The following TDRD9 variants were observed in gnomAD, a reference collection of about 807,000 sequenced individuals.
The protein encoded by TDRD9 is ATP-dependent RNA helicase TDRD9.
A neutral mutation model predicts 172.6 loss-of-function variants in TDRD9; 124 were observed. The ratio of observed to expected loss-of-function variants is 0.72; its 90% confidence interval spans 0.62 to 0.83. TDRD9 has a LOEUF of 0.83. Among genes scored for constraint, TDRD9 ranks in the 40% least tolerant of loss-of-function variants. The pLI, the probability that TDRD9 is intolerant of heterozygous loss-of-function variation, is 0.00. For synonymous variants in TDRD9, 619 were observed against 617.1 expected (o/e 1.00, Z -0.05); for missense variants, 1,479 against 1,714.1 (o/e 0.86, Z 2.42).
At chr14:103,967,906 T>C (rs1017692150) in intron 5 of TDRD9, among the ~76,000 whole-genome samples, 14 of 152,216 alleles carry the variant, frequency 9.2e-5, no homozygotes, top group African/African-American at 3.4e-4. Context: ...TTGGGCTTTT[T>C]AGTATAATTG....
At chr14:104,033,352 A>T (rs889947731) in intron 30 of TDRD9, among the ~76,000 whole-genome samples, 2 of 152,172 alleles carry the variant, frequency 1.3e-5, no homozygotes, top group African/African-American at 4.8e-5. Flanking sequence ...AAAGATCCTC[A>T]GGCAGTATTG....
At chr14:103,989,675 G>A (rs1472819948) in intron 8 of TDRD9, among the ~76,000 whole-genome samples, 2 of 152,224 alleles carry the variant, frequency 1.3e-5, no homozygotes, top group African/African-American at 4.8e-5. Flanking sequence ...GCCATATTTG[G>A]GACTTGGCAC....
intron 5 of TDRD9, 50 bp from the exon 6 acceptor site, chr14:103,970,489 CAT>C (rs961818191): frequency 2.2e-6 from 3 of 1,341,496 alleles, no homozygotes; most frequent in Admixed American, 2.0e-5. Context: ...TCAGCAGTGT[CAT>C]GTGTGTTGCC....
chr14:104,049,549 C>G, intron 34 of TDRD9, 59 bp from the exon 35 acceptor site: 1 of 1,353,142 alleles, frequency 7.4e-7, no homozygotes, highest in Non-Finnish European at 1.0e-6. Context: ...AAAAAAATCA[C>G]AGCAGTGTTT....
At chr14:103,983,516 C>T (rs949598728) in intron 7 of TDRD9, among the ~76,000 whole-genome samples, 2 of 152,084 alleles carry the variant, frequency 1.3e-5, no homozygotes, top group Non-Finnish European at 2.9e-5. Context: ...CAATATTCTG[C>T]ACATAGTGTT....
At chr14:103,946,361 A>T (rs1215398091) in intron 1 of TDRD9, among the ~76,000 whole-genome samples, 1 of 152,238 alleles carries the variant, frequency 6.6e-6, no homozygotes, top group East Asian at 1.9e-4. Context: ...GGAGTTGTTC[A>T]TATTAAAAAC....
intron 25 of TDRD9, among the ~76,000 whole-genome samples, chr14:104,024,970 G>A (rs2035070905): frequency 6.6e-6 from 1 of 152,162 alleles, no homozygotes; most frequent in South Asian, 2.1e-4. Context: ...CAAGATACAT[G>A]TTAGAGGAAA....
chr14:103,934,341 G>A (rs1023768525), intron 1 of TDRD9, among the ~76,000 whole-genome samples: 8 of 152,196 alleles, frequency 5.3e-5, no homozygotes, highest in East Asian at 3.8e-4. Context: ...CCTTTTGGTC[G>A]TTTAACAGAT....
chr14:103,960,131 T>G (rs2032438902), intron 2 of TDRD9, among the ~76,000 whole-genome samples: 1 of 152,252 alleles, frequency 6.6e-6, no homozygotes, highest in South Asian at 2.1e-4. Flanking sequence ...TCATATATAA[T>G]TATCTATTTG....
At chr14:103,935,639 G>T (rs923066352) in intron 1 of TDRD9, among the ~76,000 whole-genome samples, 1 of 152,178 alleles carries the variant, frequency 6.6e-6, no homozygotes, top group Non-Finnish European at 1.5e-5. Context: ...CCTTAACTAG[G>T]ATGTATCCTA....
At chr14:103,962,858 T>A (rs572476458) in intron 2 of TDRD9, among the ~76,000 whole-genome samples, 5 of 152,212 alleles carry the variant, frequency 3.3e-5, no homozygotes, top group Non-Finnish European at 5.9e-5. Flanking sequence ...ATATGTACCA[T>A]GTTTTCTTTA....
At chr14:103,940,710 T>C in intron 1 of TDRD9, 1 of 803,640 alleles carries the variant, frequency 1.2e-6, no homozygotes. Flanking sequence ...ATACTGACCT[T>C]GTAACAAAGA....
intron 13 of TDRD9, among the ~76,000 whole-genome samples, chr14:104,003,467 A>G (rs11623061): frequency 0.27 from 40,461 of 152,190 alleles, 5,776 homozygotes; most frequent in Non-Finnish European, 0.33. Flanking sequence ...AAACATTGCC[A>G]AGAGGCCTTC....
chr14:103,970,557 A>G lies in TDRD9; in HGVS notation c.782A>G (p.Glu261Gly). ...IIIDEVHERTEEMDFLLLVVR... is the reference protein window; with the variant it reads ...IIIDEVHERTGEMDFLLLVVR... ...ATTTTGTAGGTACACGAACGAACAG[A>G]AGAAATGGATTTCCTGCTATTGGTA... Residue 261 changes from glutamate (E) to glycine (G), a missense_variant, in exon 6 of 36, where the codon GAA (glutamate) becomes GGA (glycine). Transcript: ENST00000409874. 1 of 1,551,696 alleles carries G rather than the reference A, an allele frequency of 6.4e-7. No individual in the cohort carries two copies. The highest frequency in any genetic ancestry group is 8.7e-7 in the Non-Finnish European group (1 of 1,146,930).
intron 20 of TDRD9, among the ~76,000 whole-genome samples, chr14:104,009,434 C>A (rs950696863): frequency 6.6e-6 from 1 of 151,956 alleles, no homozygotes; most frequent in African/African-American, 2.4e-5. Flanking sequence ...AATGGCATAC[C>A]AATATAGGGA....
At chr14:103,929,162 C>G (rs1419231901) in intron 1 of TDRD9, among the ~76,000 whole-genome samples, 1 of 152,012 alleles carries the variant, frequency 6.6e-6, no homozygotes. Flanking sequence ...TCGTACTGGA[C>G]GTTCTGTGGG....
In TDRD9 at chr14:104,022,166, G is replaced by A. The variant is rs1349338455; in HGVS notation, c.2442G>A (p.Val814=). 1.4e-5 allele frequency: 22 copies of A among 1,553,710 alleles called. No individual in the cohort carries two copies. The highest frequency in any genetic ancestry group is 1.7e-5 in the Non-Finnish European group (20 of 1,148,340). The stretch of plus-strand genomic sequence containing the variant: ...TACATTTGTGGAACAGAGCCTTTGT[G>A]GAATTCTCACGAAATCCAACAGAGA... The part of the protein sequence containing the change: ...SIVFDGAKAF[V]EFSRNPTERF... Residue 814 remains valine, a synonymous_variant, in exon 24 of 36, where the codon GTG becomes GTA. Coordinates refer to ENST00000409874, the MANE Select transcript of TDRD9 (RefSeq NM_153046.3).
chr14:103,987,971 T>C (rs1049209881), intron 8 of TDRD9, among the ~76,000 whole-genome samples: 7 of 152,230 alleles, frequency 4.6e-5, no homozygotes, highest in African/African-American at 1.7e-4. Flanking sequence ...TCTTCCTGAT[T>C]GATTCACCCA....
At chr14:103,939,329 C>T (rs2031022805) in intron 1 of TDRD9, among the ~76,000 whole-genome samples, 1 of 152,200 alleles carries the variant, frequency 6.6e-6, no homozygotes, top group Admixed American at 6.5e-5. Context: ...TTTGTTCTCA[C>T]CATTAAGGCA....
Sources: allele counts gnomAD v4.1 joint callset (sites outside exome capture counted in the v4.1 genomes callset), GRCh38; gene constraint gnomAD v4.1.1; transcripts MANE v1.5; gene names NCBI Gene and HGNC (gene_info 2026-07-23, HGNC 2026-07-21).